Variants in FOXP1 observed in about 807,000 individuals in gnomAD.
FOXP1 encodes the protein forkhead box P1, also known as forkhead box protein P1.
A neutral mutation model predicts 98.2 loss-of-function variants in FOXP1; 15 were observed. The ratio of observed to expected loss-of-function variants is 0.15; its 90% CI spans 0.10 to 0.24. FOXP1 has a LOEUF of 0.24. Ranked by LOEUF, FOXP1 falls within the 10% of genes least tolerant of loss-of-function variation. The probability of loss-of-function intolerance (pLI) is 1.00; values close to 1 mark genes in which losing one functional copy is unlikely to be tolerated. For missense variants in FOXP1, 633 were observed against 848.5 expected (o/e 0.75, Z 3.15); for synonymous variants, 371 against 314.5 (o/e 1.18, Z -1.90).
intron 9 of FOXP1, 113 bp from the exon 10 acceptor site, chr3:71,047,208 T>TCCACTGAGCTC: frequency 7.4e-6 from 9 of 1,212,536 alleles, no homozygotes; most frequent in Non-Finnish European, 9.8e-6. Flanking sequence ...TCACTGGAGC[T>TCCACTGAGCTC]CAGTGGAGGG....
Position 71,375,138 on chromosome 3 carries a change from G to C in FOXP1, c.-167-15894C>G, listed in dbSNP as rs150902019. ...AAGGAGAGAAAAAAATCTGTTACCA[G>C]TTCAGTAGAAAAGTGGTTACCTCTA... On this transcript the variant is annotated intron_variant, in intron 3 of 20. Coordinates refer to ENST00000649528, the MANE Select transcript of FOXP1 (RefSeq NM_001349338.3). 1.2e-4 allele frequency among the ~76,000 whole-genome samples: 19 copies of C among 152,338 alleles called. No individual in the cohort carries two copies. In the East Asian group the frequency reaches 3.5e-3, roughly 28 times the overall value.
At chr3:71,096,428 A>G (rs953002442) in intron 7 of FOXP1, among the ~76,000 whole-genome samples, 10 of 152,172 alleles carry the variant, frequency 6.6e-5, no homozygotes, top group African/African-American at 2.4e-4. Flanking sequence ...AAGGGTAATA[A>G]TTACCTTAGT....
At chr3:71,319,297 C>A (rs1479597184) in intron 4 of FOXP1, among the ~76,000 whole-genome samples, 1 of 152,070 alleles carries the variant, frequency 6.6e-6, no homozygotes, top group East Asian at 1.9e-4. Flanking sequence ...GTTTGGGGGT[C>A]TTCTCCTTAA....
At chr3:70,959,436 A>T (rs761159799) in intron 20 of FOXP1, 45 bp from the exon 21 acceptor site, 1 of 1,612,490 alleles carries the variant, frequency 6.2e-7, no homozygotes, top group East Asian at 2.2e-5. Context: ...TTCCCAGCCC[A>T]TTGCAGCTCA....
At chr3:71,024,174 G>A (rs1475296479) in intron 11 of FOXP1, among the ~76,000 whole-genome samples, 1 of 152,186 alleles carries the variant, frequency 6.6e-6, no homozygotes. Flanking sequence ...ACGAGCAGAT[G>A]AAACGTGGGA....
intron 3 of FOXP1, among the ~76,000 whole-genome samples, chr3:71,367,641 AC>A (rs550303212): frequency 2.0e-5 from 3 of 152,250 alleles, no homozygotes; most frequent in African/African-American, 7.2e-5. Flanking sequence ...AAAAACAACA[AC>A]AAAAAACAGT....
chr3:71,128,588 T>C (rs1435104510), intron 6 of FOXP1, among the ~76,000 whole-genome samples: 1 of 152,174 alleles, frequency 6.6e-6, no homozygotes, highest in Non-Finnish European at 1.5e-5. Flanking sequence ...ATACTTTCCT[T>C]TAGTTGAGCT....
chr3:71,476,034 G>A (rs2089807042), intron 3 of FOXP1, among the ~76,000 whole-genome samples: 1 of 152,024 alleles, frequency 6.6e-6, no homozygotes, highest in South Asian at 2.1e-4. Flanking sequence ...AAGTCTACAT[G>A]ACAAAGTAGA....
At chr3:71,161,768 A>C (rs1254223326) in intron 6 of FOXP1, among the ~76,000 whole-genome samples, 4 of 152,216 alleles carry the variant, frequency 2.6e-5, no homozygotes, top group African/African-American at 4.8e-5. Flanking sequence ...GATGAACAAA[A>C]ACAGTGGATA....
At chr3:71,312,175 G>A (rs1218388635) in intron 4 of FOXP1, among the ~76,000 whole-genome samples, 3 of 152,324 alleles carry the variant, frequency 2.0e-5, no homozygotes, top group African/African-American at 7.2e-5. Context: ...CGCATATGCT[G>A]CTTCTTTCCC....
intron 12 of FOXP1, among the ~76,000 whole-genome samples, chr3:71,005,911 G>T (rs1408260231): frequency 6.6e-6 from 1 of 152,040 alleles, no homozygotes; most frequent in Non-Finnish European, 1.5e-5. Flanking sequence ...TACATCCTGG[G>T]CTGGCTGCGG....
chr3:71,581,234 A>T, intron 2 of FOXP1: 1 of 985,322 alleles, frequency 1.0e-6, no homozygotes, highest in Non-Finnish European at 1.2e-6. Flanking sequence ...AATAATTAAT[A>T]GTTATAAGAG....
At chr3:71,490,388 A>G (rs1457091026) in intron 3 of FOXP1, among the ~76,000 whole-genome samples, 1 of 152,040 alleles carries the variant, frequency 6.6e-6, no homozygotes, top group Non-Finnish European at 1.5e-5. Context: ...ATCCCAGCTA[A>G]TTGGGAGGCT....
At chr3:71,042,220 TCAATG>T (rs1398503978) in intron 10 of FOXP1, among the ~76,000 whole-genome samples, 1 of 152,184 alleles carries the variant, frequency 6.6e-6, no homozygotes, top group African/African-American at 2.4e-5. Flanking sequence ...ATTTCTTAGA[TCAATG>T]GTAATGAACC....
intron 4 of FOXP1, among the ~76,000 whole-genome samples, chr3:71,343,610 C>G (rs2077147352): frequency 7.9e-6 from 1 of 125,998 alleles, no homozygotes; most frequent in Non-Finnish European, 1.6e-5. Flanking sequence ...GGCTGGAGTA[C>G]AGTGGAGTGA....
intron 5 of FOXP1, among the ~76,000 whole-genome samples, chr3:71,257,826 C>T (rs183351141): frequency 1.1e-3 from 174 of 152,264 alleles, no homozygotes; most frequent in Non-Finnish European, 2.1e-3. Context: ...GTCTGCACTT[C>T]CACTTACCAG....
At chr3:71,529,541 A>G (rs568859009) in intron 2 of FOXP1, among the ~76,000 whole-genome samples, 19 of 152,342 alleles carry the variant, frequency 1.2e-4, no homozygotes, top group African/African-American at 4.6e-4. Context: ...ACATGATTGC[A>G]GAGTGGGAAC....
rs777378675 is a variant in FOXP1, at chr3:71,198,223, G to T, written c.159C>A (p.His53Gln). 79 of 1,614,088 alleles carry T rather than the reference G, an allele frequency of 4.9e-5. No homozygotes were observed. In the East Asian group the frequency reaches 1.6e-3, roughly 33 times the overall value. Reference protein sequence around the residue: ...AVDIGAADLAHAQQQQQQALQ... With the variant: ...AVDIGAADLAQAQQQQQQALQ... ...GTACCTGTTGCTGCTGCTGCTGGGCGTGGGCGAGGTCAGCTGCCCCGATGT... is the reference window on the plus strand; with the variant it reads ...GTACCTGTTGCTGCTGCTGCTGGGCTTGGGCGAGGTCAGCTGCCCCGATGT... Residue 53 changes from histidine to glutamine, a missense_variant, in exon 6 of 21, where the codon CAC (histidine) becomes CAA (glutamine). Transcript: ENST00000649528.
At chr3:71,296,269 T>C (rs1032301563) in intron 5 of FOXP1, 1 of 152,230 alleles carries the variant, frequency 6.6e-6, no homozygotes, top group Non-Finnish European at 1.5e-5. Context: ...GCTCCTGGCA[T>C]CTGAAGTCTA....
Sources: allele counts gnomAD v4.1 joint callset (sites outside exome capture counted in the v4.1 genomes callset), GRCh38; gene constraint gnomAD v4.1.1; transcripts MANE v1.5; gene names NCBI Gene and HGNC (gene_info 2026-07-23, HGNC 2026-07-21).